FERRY3: variants seen among roughly 807,000 people sequenced by gnomAD.
FERRY3 encodes protein C12orf4.
At chr12:4,500,399 T>C in the FERRY3 span, 1 of 1,461,596 alleles carries the variant, frequency 6.8e-7, no homozygotes, top group Non-Finnish European at 9.5e-7. Context: ...CATTCATCAA[T>C]GGGCTTTATA....
At chr12:4,528,934 CACACAA>C in the FERRY3 span, among the ~76,000 whole-genome samples, 2,044 of 144,442 alleles carry the variant, frequency 0.014, 27 homozygotes, top group Non-Finnish European at 0.022. Context: ...CACACACACA[CACACAA>C]ACAAAAGTGA....
chr12:4,534,764 C>T, the FERRY3 span, among the ~76,000 whole-genome samples: 2 of 152,256 alleles, frequency 1.3e-5, no homozygotes, highest in Admixed American at 1.3e-4. Flanking sequence ...ATGAAATCAG[C>T]TTAGGGGATC....
At chr12:4,524,307 T>C in the FERRY3 span, among the ~76,000 whole-genome samples, 1 of 152,182 alleles carries the variant, frequency 6.6e-6, no homozygotes, top group East Asian at 1.9e-4. Context: ...GAATGGTTCA[T>C]AGCAGGCTGC....
At chr12:4,523,948 T>TA in the FERRY3 span, among the ~76,000 whole-genome samples, 3 of 151,736 alleles carry the variant, frequency 2.0e-5, no homozygotes, top group African/African-American at 7.3e-5. Context: ...CCCTAGAACT[T>TA]AAAGTATAAT....
chr12:4,518,776 A>T, the FERRY3 span: 4 of 1,535,464 alleles, frequency 2.6e-6, no homozygotes, highest in Non-Finnish European at 3.6e-6. Flanking sequence ...ACACTTACCT[A>T]AGTGAATGGT....
the FERRY3 span, among the ~76,000 whole-genome samples, chr12:4,528,916 CACACACACACACACACACACACAA>C: frequency 1.3e-5 from 2 of 149,568 alleles, no homozygotes; most frequent in African/African-American, 2.5e-5. Flanking sequence ...CACACACACA[CACACACACACACACACACACACAA>C]ACAAAAGTGA....
the FERRY3 span, among the ~76,000 whole-genome samples, chr12:4,508,723 GAC>G: frequency 6.6e-6 from 1 of 151,320 alleles, no homozygotes; most frequent in Non-Finnish European, 1.5e-5. Context: ...CAGCCTAGAT[GAC>G]AGAGTGAGAC....
At chr12:4,530,168 A>G in the FERRY3 span, 2 of 849,268 alleles carry the variant, frequency 2.4e-6, no homozygotes, top group Non-Finnish European at 3.6e-6. Flanking sequence ...ACCCTCTTAT[A>G]TATATATGTG....
the FERRY3 span, among the ~76,000 whole-genome samples, chr12:4,493,289 T>C: frequency 6.6e-6 from 1 of 152,254 alleles, no homozygotes; most frequent in Non-Finnish European, 1.5e-5. Flanking sequence ...TTGTGTGCTC[T>C]CTGAAGGTAG....
chr12:4,526,068 T>G, the FERRY3 span, among the ~76,000 whole-genome samples: 2 of 152,210 alleles, frequency 1.3e-5, no homozygotes, highest in African/African-American at 4.8e-5. Flanking sequence ...TCATAAAATT[T>G]ACAGAGAGAC....
chr12:4,516,370 T>C, the FERRY3 span, among the ~76,000 whole-genome samples: 1 of 152,216 alleles, frequency 6.6e-6, no homozygotes, highest in African/African-American at 2.4e-5. Flanking sequence ...TCTGGGTATA[T>C]ATCCAAAGGA....
chr12:4,529,388 T>C, the FERRY3 span, among the ~76,000 whole-genome samples: 1 of 152,172 alleles, frequency 6.6e-6, no homozygotes, highest in Non-Finnish European at 1.5e-5. Context: ...ACAGAGGTTC[T>C]GAATAGGGAG....
At chr12:4,530,894 A>G in the FERRY3 span, among the ~76,000 whole-genome samples, 1 of 152,104 alleles carries the variant, frequency 6.6e-6, no homozygotes, top group African/African-American at 2.4e-5. Flanking sequence ...AGATCATATG[A>G]CTTAATGGCA....
At chr12:4,534,044 T>C in the FERRY3 span, 2 of 1,155,752 alleles carry the variant, frequency 1.7e-6, no homozygotes, top group African/African-American at 1.6e-5. Flanking sequence ...TATAGAATAT[T>C]GTATGTGGAG....
chr12:4,505,345 T>A, the FERRY3 span: 1 of 1,606,368 alleles, frequency 6.2e-7, no homozygotes, highest in Admixed American at 1.7e-5. Flanking sequence ...GCATTCTTAG[T>A]CTTATCATCA....
At chr12:4,496,128 A>G in the FERRY3 span, among the ~76,000 whole-genome samples, 1 of 152,210 alleles carries the variant, frequency 6.6e-6, no homozygotes, top group East Asian at 1.9e-4. Context: ...GTGCCTCCAT[A>G]GAGACTCCAC....
At chr12:4,492,549 C>T in the FERRY3 span, among the ~76,000 whole-genome samples, 1 of 152,180 alleles carries the variant, frequency 6.6e-6, no homozygotes, top group African/African-American at 2.4e-5. Context: ...ATTCTAATTG[C>T]CGTTTACCTA....
At chr12:4,517,706 TAGACAGAG>T in the FERRY3 span, among the ~76,000 whole-genome samples, 1 of 137,724 alleles carries the variant, frequency 7.3e-6, no homozygotes, top group African/African-American at 3.0e-5. Context: ...TATATATATA[TAGACAGAG>T]AGAGAGAGAG....
At chr12:4,512,562 C>T in the FERRY3 span, among the ~76,000 whole-genome samples, 1 of 151,798 alleles carries the variant, frequency 6.6e-6, no homozygotes, top group African/African-American at 2.4e-5. Flanking sequence ...GGGCTTCATC[C>T]CTGGGATGCA....
Sources: allele counts gnomAD v4.1 joint callset (sites outside exome capture counted in the v4.1 genomes callset), GRCh38; gene constraint gnomAD v4.1.1; transcripts MANE v1.5; gene names NCBI Gene and HGNC (gene_info 2026-07-23, HGNC 2026-07-21).